SUMO4: variants seen among roughly 807,000 people sequenced by gnomAD.
The protein encoded by SUMO4 is small ubiquitin like modifier 4.
In SUMO4, 6 loss-of-function variants were observed where a neutral mutation model predicts 7.7. The observed-to-expected ratio is 0.78, with a 90% CI of 0.43 to 1.53. The LOEUF is 1.53. Ranked by LOEUF, SUMO4 falls within the 40% of genes most tolerant of loss-of-function variation. The pLI is 0.01. For synonymous variants in SUMO4, 43 were observed against 41.2 expected, an observed-to-expected ratio of 1.04 and a Z score of -0.17; for missense variants, 113 against 113.6, an observed-to-expected ratio of 0.99 and a Z score of 0.03.
rs746911325 is a variant in SUMO4, at chr6:149,400,563, A to T, written c.172A>T (p.Ile58Phe). ...CEPRGLSVKQIRFRFGGQPIS... is the reference protein window; with the variant it reads ...CEPRGLSVKQFRFRFGGQPIS... ...ACCACGGGGATTGTCAGTGAAGCAGATCAGATTCCGATTTGGTGGGCAACC... is the reference window on the plus strand; with the variant it reads ...ACCACGGGGATTGTCAGTGAAGCAGTTCAGATTCCGATTTGGTGGGCAACC... The change falls in exon 1 of 1, where the codon ATC becomes TTC. Residue 58 changes from isoleucine (I) to phenylalanine (F), a missense_variant. Ile to Phe is a conservative substitution (Grantham distance 21). Transcript: ENST00000326669. 6.2e-7 allele frequency: 1 copy of T among 1,614,260 alleles called. No homozygotes were observed. Among genetic ancestry groups the T allele is most frequent in the Non-Finnish European group, 8.5e-7 (1 of 1,180,042 alleles).
Position 149,400,272 on chromosome 6 carries a change from C to A in SUMO4, c.-120C>A, listed in dbSNP as rs1782328364. 3 of 1,111,156 alleles carry A rather than the reference C, an allele frequency of 2.7e-6. No individual in the cohort carries two copies. In the South Asian group the frequency reaches 4.6e-5, roughly 17 times the overall value. The allele number at this position is 1,111,156 out of a possible 1,614,324, so 68.8% of individuals were successfully genotyped here. On this transcript the variant is annotated 5_prime_UTR_variant, in exon 1 of 1. Coordinates refer to ENST00000326669, the MANE Select transcript of SUMO4 (RefSeq NM_001002255.2). The stretch of plus-strand genomic sequence containing the variant: ...GGAGGGAGCCCAGGATGTGCACGCA[C>A]CCTCTCCCTCATCCACCGCTGTCAC...
rs1193420645 is a variant in SUMO4, at chr6:149,400,549, T to C, written c.158T>C (p.Leu53Ser). 4 of 1,614,114 alleles carry C rather than the reference T, an allele frequency of 2.5e-6. No homozygotes were observed. Among genetic ancestry groups the C allele is most frequent in the Non-Finnish European group, 3.4e-6 (4 of 1,180,046 alleles). ...AAAGCCTATTGTGAACCACGGGGATTGTCAGTGAAGCAGATCAGATTCCGA... is the reference window on the plus strand; with the variant it reads ...AAAGCCTATTGTGAACCACGGGGATCGTCAGTGAAGCAGATCAGATTCCGA... ...LMKAYCEPRG[L>S]SVKQIRFRFG... The change falls in exon 1 of 1, where the codon TTG (leucine) becomes TCG (serine). Residue 53 changes from leucine (L) to serine (S), a missense_variant. Transcript: ENST00000326669.
Position 149,401,016 on chromosome 6 carries a change from G to A in SUMO4, c.*337G>A, listed in dbSNP as rs1782387928. On this transcript the variant is annotated 3_prime_UTR_variant, in exon 1 of 1. Transcript: ENST00000326669. ...ATTCAGGTCTTATCTTTATATTCTAGTAAGTTATTTTGCTCTCACTGTTTT... is the reference window on the plus strand; with the variant it reads ...ATTCAGGTCTTATCTTTATATTCTAATAAGTTATTTTGCTCTCACTGTTTT... 1 of 228,872 alleles carries A rather than the reference G, an allele frequency of 4.4e-6. No homozygotes were observed. The highest frequency in any genetic ancestry group is 5.4e-5 in the Admixed American group (1 of 18,448). 14.2% of individuals were successfully genotyped at this position (228,872 alleles called of 1,614,324 possible).
rs1450460015 is a variant in SUMO4 at position 149,400,558 on chromosome 6, A to G, written c.167A>G (p.Lys56Arg). The part of the protein sequence containing the change: ...AYCEPRGLSV[K>R]QIRFRFGGQP... ...TGTGAACCACGGGGATTGTCAGTGA[A>G]GCAGATCAGATTCCGATTTGGTGGG... The change falls in exon 1 of 1, where the codon AAG becomes AGG. Residue 56 changes from lysine to arginine, a missense_variant. Coordinates refer to ENST00000326669, the MANE Select transcript of SUMO4 (RefSeq NM_001002255.2). 2 of 1,614,148 alleles carry G rather than the reference A, an allele frequency of 1.2e-6. No individual in the cohort carries two copies. The highest frequency in any genetic ancestry group is 1.7e-6 in the Non-Finnish European group (2 of 1,180,062).
Position 149,400,660 on chromosome 6 carries a change from C to G in SUMO4, c.269C>G (p.Pro90Arg). Reference protein sequence around the residue: ...DEDTIDVFQQPTGGVY With the variant: ...DEDTIDVFQQRTGGVY Reference sequence around the variant, plus strand: ...GATACAATTGATGTGTTTCAACAGCCTACGGGAGGTGTCTACTGAAAAGGG... The same window carrying G: ...GATACAATTGATGTGTTTCAACAGCGTACGGGAGGTGTCTACTGAAAAGGG... The change falls in exon 1 of 1, where the codon CCT (proline) becomes CGT (arginine). Residue 90 changes from proline (P) to arginine (R), a missense_variant. Coordinates refer to ENST00000326669, the MANE Select transcript of SUMO4 (RefSeq NM_001002255.2). 2 of 1,614,068 alleles carry G rather than the reference C, an allele frequency of 1.2e-6. No individual in the cohort carries two copies. Among genetic ancestry groups the G allele is most frequent in the Non-Finnish European group, 1.7e-6 (2 of 1,179,966 alleles).
rs1782331760 is a variant in SUMO4 at position 149,400,335 on chromosome 6, G to T, written c.-57G>T. 1.3e-6 allele frequency: 2 copies of T among 1,578,496 alleles called. No homozygotes were observed. Among genetic ancestry groups the T allele is most frequent in the African/African-American group, 2.7e-5 (2 of 74,450 alleles). ...TTCCTGCTGCTCGTGTACTCGTTAG[G>T]TGCGGACCCGCCACCTCTTTTGTGA... On this transcript the variant is annotated 5_prime_UTR_variant, in exon 1 of 1. Coordinates refer to ENST00000326669, the MANE Select transcript of SUMO4 (RefSeq NM_001002255.2).
rs139591747 is a variant in SUMO4 at position 149,400,345 on chromosome 6, G to A, written c.-47G>A. 267 of 1,591,924 alleles carry A rather than the reference G, an allele frequency of 1.7e-4. 1 individual carries two copies. The African/African-American group carries it at 1.7e-3, about 10-fold the overall frequency. Reference sequence around the variant, plus strand: ...TCGTGTACTCGTTAGGTGCGGACCCGCCACCTCTTTTGTGAAGCAGCAGCT... The same window carrying A: ...TCGTGTACTCGTTAGGTGCGGACCCACCACCTCTTTTGTGAAGCAGCAGCT... On this transcript the variant is annotated 5_prime_UTR_variant, in exon 1 of 1. Transcript: ENST00000326669.
rs1193420645 is a variant in SUMO4 at position 149,400,549 on chromosome 6, T to G, written c.158T>G (p.Leu53Trp). The G allele has an allele frequency of 2.5e-6, 4 of 1,614,114 alleles. No individual in the cohort carries two copies. The highest frequency in any genetic ancestry group is 3.4e-6 in the Non-Finnish European group (4 of 1,180,046). The change falls in exon 1 of 1, where the codon TTG (leucine) becomes TGG (tryptophan). Residue 53 changes from leucine (L) to tryptophan (W), a missense_variant. Transcript: ENST00000326669. ...AAAGCCTATTGTGAACCACGGGGAT[T>G]GTCAGTGAAGCAGATCAGATTCCGA... The part of the protein sequence containing the change: ...LMKAYCEPRG[L>W]SVKQIRFRFG...
rs1255742627 is a variant in SUMO4 at position 149,400,299 on chromosome 6, T to A, written c.-93T>A. 2 of 1,415,358 alleles carry A rather than the reference T, an allele frequency of 1.4e-6. No homozygotes were observed. The highest frequency in any genetic ancestry group is 4.6e-5 in the East Asian group (2 of 43,484). 87.7% of individuals were successfully genotyped at this position (1,415,358 alleles called of 1,614,324 possible). On this transcript the variant is annotated 5_prime_UTR_variant, in exon 1 of 1. Coordinates refer to ENST00000326669, the MANE Select transcript of SUMO4 (RefSeq NM_001002255.2). ...CTCTCCCTCATCCACCGCTGTCACCTCCTGCTGCTCTTCCTGCTGCTCGTG... is the reference window on the plus strand; with the variant it reads ...CTCTCCCTCATCCACCGCTGTCACCACCTGCTGCTCTTCCTGCTGCTCGTG...
chr6:149,400,567 G>C lies in SUMO4; in HGVS notation c.176G>C (p.Arg59Thr), dbSNP rs745923032. ...CGGGGATTGTCAGTGAAGCAGATCA[G>C]ATTCCGATTTGGTGGGCAACCAATC... Reference protein sequence around the residue: ...EPRGLSVKQIRFRFGGQPISG... With the variant: ...EPRGLSVKQITFRFGGQPISG... Residue 59 changes from arginine (R) to threonine (T), a missense_variant, in exon 1 of 1, where the codon AGA becomes ACA. Arg to Thr is a moderately conservative substitution (Grantham distance 71). Transcript: ENST00000326669. 3.7e-6 allele frequency: 6 copies of C among 1,614,262 alleles called. No individual in the cohort carries two copies. The South Asian group carries it at 6.6e-5, about 18-fold the overall frequency.
rs1782383268 is a variant in SUMO4, at chr6:149,400,930, C to T, written c.*251C>T. The T allele has an allele frequency of 2.2e-6, 1 of 464,542 alleles. No homozygotes were observed. The highest frequency in any genetic ancestry group is 3.9e-6 in the Non-Finnish European group (1 of 257,290). 28.8% of individuals were successfully genotyped at this position (464,542 alleles called of 1,614,324 possible). On this transcript the variant is annotated 3_prime_UTR_variant, in exon 1 of 1. Transcript: ENST00000326669. Reference sequence around the variant, plus strand: ...TGTTTTGATTGACATCAAGTGGAGACAGGATGGGAAAAAATACTGATTCTG... The same window carrying T: ...TGTTTTGATTGACATCAAGTGGAGATAGGATGGGAAAAAATACTGATTCTG...
Position 149,400,586 on chromosome 6 carries a change from A to G in SUMO4, c.195A>G (p.Gln65=), listed in dbSNP as rs547199824. Residue 65 remains glutamine, a synonymous_variant, in exon 1 of 1, where the codon CAA becomes CAG. Coordinates refer to ENST00000326669, the MANE Select transcript of SUMO4 (RefSeq NM_001002255.2). ...VKQIRFRFGG[Q]PISGTDKPAQ... ...AGATCAGATTCCGATTTGGTGGGCA[A>G]CCAATCAGTGGAACAGACAAACCTG... 13 of 1,614,230 alleles carry G rather than the reference A, an allele frequency of 8.1e-6. No homozygotes were observed. Among genetic ancestry groups the G allele is most frequent in the South Asian group, 2.2e-5 (2 of 91,084 alleles).
chr6:149,400,670 T>C lies in SUMO4; in HGVS notation c.279T>C (p.Gly93=). The C allele has an allele frequency of 6.2e-7, 1 of 1,613,720 alleles. No individual in the cohort carries two copies. Among genetic ancestry groups the C allele is most frequent in the Non-Finnish European group, 8.5e-7 (1 of 1,179,830 alleles). The part of the protein sequence containing the change: ...TIDVFQQPTG[G]VY ...ATGTGTTTCAACAGCCTACGGGAGG[T>C]GTCTACTGAAAAGGGAACCTGCTTC... is the stretch of plus-strand genomic sequence containing the variant. The change falls in exon 1 of 1, where the codon GGT becomes GGC. Residue 93 remains glycine, a synonymous_variant. Transcript: ENST00000326669.
Position 149,400,715 on chromosome 6 carries a change from C to A in SUMO4, c.*36C>A, listed in dbSNP as rs988609439. Reference sequence around the variant, plus strand: ...TGCTTCTTTACTCCAGAACGCTGTTCTTTAAAGACCAAGATTACTGCATTC... The same window carrying A: ...TGCTTCTTTACTCCAGAACGCTGTTATTTAAAGACCAAGATTACTGCATTC... On this transcript the variant is annotated 3_prime_UTR_variant, in exon 1 of 1. Transcript: ENST00000326669. 1.3e-5 allele frequency: 21 copies of A among 1,595,408 alleles called. No individual in the cohort carries two copies. The highest frequency in any genetic ancestry group is 1.8e-5 in the Non-Finnish European group (21 of 1,171,658).
Position 149,400,352 on chromosome 6 carries a change from CT to C in SUMO4, c.-36del, listed in dbSNP as rs774641619. 63 of 1,602,692 alleles carry C rather than the reference CT, an allele frequency of 3.9e-5. No individual in the cohort carries two copies. The African/African-American group carries it at 7.5e-4, about 19-fold the overall frequency. ...CTCGTTAGGTGCGGACCCGCCACCT[CT>C]TTTGTGAAGCAGCAGCTGAGGAGAC... On this transcript the variant is annotated 5_prime_UTR_variant, in exon 1 of 1. Coordinates refer to ENST00000326669, the MANE Select transcript of SUMO4 (RefSeq NM_001002255.2).
Position 149,400,520 on chromosome 6 carries a change from A to G in SUMO4, c.129A>G (p.Leu43=). Residue 43 remains leucine (L), a synonymous_variant, in exon 1 of 1, where the codon CTA becomes CTG. Coordinates refer to ENST00000326669, the MANE Select transcript of SUMO4 (RefSeq NM_001002255.2). ...AGAGGCAGACACCACTTAGTAAACT[A>G]ATGAAAGCCTATTGTGAACCACGGG... ...KIKRQTPLSK[L]MKAYCEPRGL... 1 of 1,614,260 alleles carries G rather than the reference A, an allele frequency of 6.2e-7. No homozygotes were observed. Among genetic ancestry groups the G allele is most frequent in the Non-Finnish European group, 8.5e-7 (1 of 1,180,040 alleles).
At position 149,400,319 on chromosome 6, in the gene SUMO4, C is replaced by A; in HGVS notation, c.-73C>A. On this transcript the variant is annotated 5_prime_UTR_variant, in exon 1 of 1. Transcript: ENST00000326669. ...TCACCTCCTGCTGCTCTTCCTGCTG[C>A]TCGTGTACTCGTTAGGTGCGGACCC... The A allele has an allele frequency of 6.6e-7, 1 of 1,518,906 alleles. No homozygotes were observed. The highest frequency in any genetic ancestry group is 8.9e-7 in the Non-Finnish European group (1 of 1,120,140). The allele number at this position is 1,518,906 out of a possible 1,614,324, so 94.1% of individuals were successfully genotyped here.
rs532583180 is a variant in SUMO4 at position 149,400,997 on chromosome 6, GTCTTA to G, written c.*323_*327del. The G allele has an allele frequency of 8.9e-5, 24 of 270,798 alleles. No individual in the cohort carries two copies. Among genetic ancestry groups the G allele is most frequent in the Non-Finnish European group, 1.4e-4 (19 of 136,562 alleles). 16.8% of individuals were successfully genotyped at this position (270,798 alleles called of 1,614,324 possible). ...ATCCATTAGTGGCATGTTCATTCAG[GTCTTA>G]TCTTTATATTCTAGTAAGTTATTTT... is the stretch of plus-strand genomic sequence containing the variant. On this transcript the variant is annotated 3_prime_UTR_variant, in exon 1 of 1. Coordinates refer to ENST00000326669, the MANE Select transcript of SUMO4 (RefSeq NM_001002255.2).
Position 149,401,149 on chromosome 6 carries a change from A to G in SUMO4, c.*470A>G, listed in dbSNP as rs1277538012. ...ACAATTTTATAACTTTTGTGTACAT[A>G]GCTGTTACATGTAGGGCAATCTGTC... On this transcript the variant is annotated 3_prime_UTR_variant, in exon 1 of 1. Coordinates refer to ENST00000326669, the MANE Select transcript of SUMO4 (RefSeq NM_001002255.2). 5.9e-6 allele frequency: 1 copy of G among 168,732 alleles called. No individual in the cohort carries two copies. Among genetic ancestry groups the G allele is most frequent in the Non-Finnish European group, 1.4e-5 (1 of 69,376 alleles). 10.5% of individuals were successfully genotyped at this position (168,732 alleles called of 1,614,324 possible). A position where few individuals can be genotyped will look rare whatever the true frequency, so the allele number is the denominator to read the frequency against.
Sources: gnomAD v4.1 joint callset for allele counts on GRCh38, gnomAD v4.1.1 for gene constraint, MANE v1.5 for transcripts, NCBI Gene and HGNC (gene_info 2026-07-23, HGNC 2026-07-21) for gene names.